FOXP1: variants seen among roughly 807,000 people sequenced by gnomAD.
FOXP1 encodes forkhead box protein P1.
In FOXP1, 15 loss-of-function variants were observed where a neutral mutation model predicts 98.2. The observed-to-expected ratio is 0.15, with a 90% CI of 0.10 to 0.24. The LOEUF (loss-of-function observed/expected upper bound fraction) is 0.24, where lower values mean the gene tolerates loss of function less well. Ranked by LOEUF, FOXP1 falls within the 10% of genes least tolerant of loss-of-function variation. The probability of loss-of-function intolerance (pLI) is 1.00; values close to 1 mark genes in which losing one functional copy is unlikely to be tolerated. For missense variants in FOXP1, 633 were observed against 848.5 expected (o/e 0.75, Z 3.15); for synonymous variants, 371 against 314.5 (o/e 1.18, Z -1.90).
At chr3:71,068,759 G>C (rs951848716) in intron 7 of FOXP1, among the ~76,000 whole-genome samples, 1 of 152,160 alleles carries the variant, frequency 6.6e-6, no homozygotes, top group African/African-American at 2.4e-5. Flanking sequence ...TCCGGAGAGA[G>C]AAAGCTAAAG....
At chr3:71,012,665 G>A (rs2043820335) in intron 12 of FOXP1, among the ~76,000 whole-genome samples, 1 of 152,062 alleles carries the variant, frequency 6.6e-6, no homozygotes, top group African/African-American at 2.4e-5. Context: ...TCTAAGGATG[G>A]CTTTATTACA....
intron 2 of FOXP1, among the ~76,000 whole-genome samples, chr3:71,516,808 T>C (rs1008632102): frequency 3.3e-5 from 5 of 152,122 alleles, no homozygotes; most frequent in African/African-American, 9.7e-5. Flanking sequence ...ATCACATCAC[T>C]GCACTCTAGC....
intron 7 of FOXP1, among the ~76,000 whole-genome samples, chr3:71,112,309 T>C (rs1413137523): frequency 6.6e-6 from 1 of 152,164 alleles, no homozygotes; most frequent in African/African-American, 2.4e-5. Flanking sequence ...CAACTCCTTA[T>C]CCTTCTATTA....
In FOXP1 at chr3:70,959,327, C is replaced by T; in HGVS notation, c.1954G>A (p.Val652Met). Residue 652 changes from valine to methionine, a missense_variant, in exon 21 of 21, where the codon GTG becomes ATG. By Grantham distance (21) the Val-to-Met change is conservative. Around this residue, in one of 6 missense-constraint regions of FOXP1, gnomAD observed 150 missense variants for 163.7 expected, o/e 0.92. Transcript: ENST00000649528. ...TCTGGACTGTGGTTGGCTGTTGTCA[C>T]TAAGGACAGGGGCCCTTCAGCTTCC... ...PEEAEGPLSL[V>M]TTANHSPDFD... is the part of the protein sequence containing the mutation. 1 of 1,614,080 alleles carries T rather than the reference C, an allele frequency of 6.2e-7. No individual in the cohort carries two copies. The highest frequency in any genetic ancestry group is 1.1e-5 in the South Asian group (1 of 91,078).
chr3:71,103,927 A>G (rs545042034), intron 7 of FOXP1, among the ~76,000 whole-genome samples: 1 of 152,270 alleles, frequency 6.6e-6, no homozygotes, highest in East Asian at 1.9e-4. Context: ...TTGTGTACAA[A>G]AATTCTAAAT....
intron 4 of FOXP1, among the ~76,000 whole-genome samples, chr3:71,314,530 AATATAT>A (rs59655430): frequency 7.0e-6 from 1 of 143,370 alleles, no homozygotes; most frequent in African/African-American, 2.5e-5. Flanking sequence ...CCGTCTAAAA[AATATAT>A]ATATATATAT....
chr3:71,191,123 T>C (rs1228914786), intron 6 of FOXP1, among the ~76,000 whole-genome samples: 2 of 151,994 alleles, frequency 1.3e-5, no homozygotes, highest in Admixed American at 1.3e-4. Flanking sequence ...TAGGTTTACA[T>C]TATATAAACA....
At chr3:71,461,786 C>T (rs781025103) in intron 3 of FOXP1, among the ~76,000 whole-genome samples, 13 of 150,420 alleles carry the variant, frequency 8.6e-5, no homozygotes, top group Non-Finnish European at 1.8e-4. Flanking sequence ...GGAAAAAGAG[C>T]GAGACTCTGT....
intron 2 of FOXP1, among the ~76,000 whole-genome samples, chr3:71,523,018 G>A (rs1477168614): frequency 6.6e-6 from 1 of 152,194 alleles, no homozygotes; most frequent in East Asian, 1.9e-4. Flanking sequence ...TGCTGCAGAT[G>A]TAATTAGTTA....
intron 2 of FOXP1, among the ~76,000 whole-genome samples, chr3:71,579,602 G>C (rs1370034519): frequency 1.3e-5 from 2 of 149,656 alleles, no homozygotes; most frequent in African/African-American, 4.9e-5. Context: ...TTCATCACCA[G>C]AGATTTTTTT....
At chr3:71,065,424 G>A (rs1348790893) in intron 7 of FOXP1, among the ~76,000 whole-genome samples, 1 of 152,206 alleles carries the variant, frequency 6.6e-6, no homozygotes, top group East Asian at 1.9e-4. Flanking sequence ...GGGTACGCAG[G>A]TCTCCTAGGC....
chr3:71,582,789 G>C (rs1327556824), intron 1 of FOXP1: 2 of 985,134 alleles, frequency 2.0e-6, no homozygotes, highest in African/African-American at 3.5e-5. Context: ...GGGGTGCGCA[G>C]GTGCGTGTTT....
intron 2 of FOXP1, among the ~76,000 whole-genome samples, chr3:71,494,349 T>C (rs1443059462): frequency 6.6e-6 from 1 of 152,234 alleles, no homozygotes; most frequent in Non-Finnish European, 1.5e-5. Context: ...TTAAACTAAT[T>C]AACTTCTCCT....
chr3:71,364,369 A>C (rs1321410137), intron 3 of FOXP1, among the ~76,000 whole-genome samples: 2 of 152,254 alleles, frequency 1.3e-5, no homozygotes, highest in Admixed American at 1.3e-4. Context: ...AAAATGTGTC[A>C]GACATAGTTT....
intron 2 of FOXP1, among the ~76,000 whole-genome samples, chr3:71,564,972 G>A (rs896949183): frequency 3.3e-5 from 5 of 152,108 alleles, no homozygotes; most frequent in African/African-American, 1.2e-4. Context: ...AAAATTAGCA[G>A]GGCGTGGTGG....
chr3:71,176,714 A>T (rs2061956512), intron 6 of FOXP1, among the ~76,000 whole-genome samples: 1 of 132,226 alleles, frequency 7.6e-6, no homozygotes, highest in South Asian at 2.8e-4. Flanking sequence ...GTACTACTCC[A>T]GCCAGGGCAA....
chr3:71,200,477 A>T (rs1356120060), intron 5 of FOXP1, among the ~76,000 whole-genome samples: 1 of 152,222 alleles, frequency 6.6e-6, no homozygotes, highest in Non-Finnish European at 1.5e-5. Context: ...GCCCTTTACC[A>T]CAATGTGTAT....
In FOXP1 at chr3:71,271,103, A is replaced by G. The variant is rs1686352170; in HGVS notation, c.-12+28717T>C. Among the ~76,000 whole-genome samples the G allele has an allele frequency of 5.9e-5, 9 of 152,186 alleles. No homozygotes were observed. In the South Asian group the frequency reaches 1.9e-3, roughly 32 times the overall value. ...AAATTAGCCGGGTGTACTGGCGCAC[A>G]CCTGTAATCTCAGCTACTTGGCAGG... is the stretch of plus-strand genomic sequence containing the variant. On this transcript the variant is annotated intron_variant, in intron 5 of 20. Coordinates refer to ENST00000649528, the MANE Select transcript of FOXP1 (RefSeq NM_001349338.3).
At chr3:71,502,907 A>G (rs959261341) in intron 2 of FOXP1, among the ~76,000 whole-genome samples, 8 of 152,064 alleles carry the variant, frequency 5.3e-5, no homozygotes, top group Non-Finnish European at 1.0e-4. Flanking sequence ...GAAGAAACCA[A>G]CTAGGTCACA....
Sources: gnomAD v4.1 joint callset for allele counts (sites outside exome capture counted in the v4.1 genomes callset) on GRCh38, gnomAD v4.1.1 for gene constraint, gnomAD v4.1.1 regional missense constraint, MANE v1.5 for transcripts, NCBI Gene and HGNC (gene_info 2026-07-23, HGNC 2026-07-21) for gene names.